The following ZNF678 variants were observed in gnomAD, a reference collection of about 807,000 sequenced individuals.
ZNF678 encodes the protein zinc finger protein 678.
A neutral mutation model predicts 3.0 loss-of-function variants in ZNF678; 5 were observed. The observed-to-expected ratio is 1.69, with a 90% CI of 0.88 to 3.56. The LOEUF is 3.56. ZNF678 is among the 30% of genes most tolerant of loss of function. The pLI is 0.00. For synonymous variants in ZNF678, 218 were observed against 199.6 expected (o/e 1.09, Z -0.78); for missense variants, 593 against 605.0 (o/e 0.98, Z 0.21).
rs1659347826 is a variant in ZNF678 at position 227,659,660 on chromosome 1, TC to T, written c.*3833del. On this transcript the variant is annotated 3_prime_UTR_variant, in exon 4 of 4. Transcript: ENST00000343776. Reference sequence around the variant, plus strand: ...ATAAAAACTGTATTTTCTATATAGTTCAGCTAAGTTTATGAAAAAGATGCAG... The same window carrying T: ...ATAAAAACTGTATTTTCTATATAGTTAGCTAAGTTTATGAAAAAGATGCAG... The T allele has an allele frequency of 6.6e-6, 1 of 152,124 alleles. No homozygotes were observed. Among genetic ancestry groups the T allele is most frequent in the Admixed American group, 6.6e-5 (1 of 15,264 alleles). The allele number at this position is 152,124 out of a possible 1,614,324, so 9.4% of individuals were successfully genotyped here. A position where few individuals can be genotyped will look rare whatever the true frequency, so the allele number is the denominator to read the frequency against.
intron 1 of ZNF678, among the ~76,000 whole-genome samples, chr1:227,624,898 G>A (rs138885558): frequency 0.023 from 3,549 of 152,262 alleles, 52 homozygotes; most frequent in Non-Finnish European, 0.035. Context: ...AGTGGTGGAC[G>A]GCAAGTGAAA....
intron 1 of ZNF678, among the ~76,000 whole-genome samples, chr1:227,578,370 C>T (rs940020306): frequency 3.9e-5 from 6 of 152,194 alleles, no homozygotes; most frequent in Non-Finnish European, 8.8e-5. Flanking sequence ...CCTTCAGGGA[C>T]ACCAGTGAGT....
chr1:227,672,343 T>C (rs1328470538), intron 5 of ZNF678, among the ~76,000 whole-genome samples: 1 of 151,858 alleles, frequency 6.6e-6, no homozygotes, highest in African/African-American at 2.4e-5. Flanking sequence ...AGAAAGGATA[T>C]GAGGTAGAAT....
chr1:227,605,717 T>G (rs189811686), intron 1 of ZNF678, among the ~76,000 whole-genome samples: 11 of 152,318 alleles, frequency 7.2e-5, no homozygotes, highest in African/African-American at 2.6e-4. Flanking sequence ...ATGGATATTA[T>G]TAACAGCTTT....
In ZNF678 at chr1:227,655,518, A is replaced by G. The variant is rs780345547; in HGVS notation, c.1268A>G (p.His423Arg). 13 of 1,612,698 alleles carry G rather than the reference A, an allele frequency of 8.1e-6. No individual in the cohort carries two copies. Among genetic ancestry groups the G allele is most frequent in the African/African-American group, 1.3e-5 (1 of 74,998 alleles). The change falls in exon 4 of 4, where the codon CAT becomes CGT. Residue 423 changes from histidine (H) to arginine (R), a missense_variant. His to Arg is a conservative substitution (Grantham distance 29, BLOSUM62 0). Coordinates refer to ENST00000343776, the MANE Select transcript of ZNF678 (RefSeq NM_001367909.1). ...VFKQCSHLTS[H>R]KRIHTGEKPY... ...AAACAGTGCTCTCACCTAACTAGCC[A>G]TAAGAGAATTCATACTGGAGAGAAA...
At chr1:227,584,144 TG>T (rs1421811284) in intron 1 of ZNF678, among the ~76,000 whole-genome samples, 1 of 152,230 alleles carries the variant, frequency 6.6e-6, no homozygotes, top group Non-Finnish European at 1.5e-5. Context: ...AACATTTTGT[TG>T]CAGAGCTTTA....
At chr1:227,565,066 T>TA (rs1461711976) in intron 1 of ZNF678, among the ~76,000 whole-genome samples, 2,391 of 134,962 alleles carry the variant, frequency 0.018, 112 homozygotes, top group South Asian at 0.068. Flanking sequence ...TTTTTTTTTT[T>TA]TTTTTTTTTT....
intron 5 of ZNF678, among the ~76,000 whole-genome samples, chr1:227,675,262 C>T (rs553120925): frequency 9.2e-5 from 14 of 152,246 alleles, no homozygotes; most frequent in African/African-American, 2.9e-4. Context: ...TGTGAGAACA[C>T]AGTGAGAAGG....
chr1:227,605,398 C>T (rs1346586806), intron 1 of ZNF678, among the ~76,000 whole-genome samples: 2 of 152,140 alleles, frequency 1.3e-5, no homozygotes, highest in African/African-American at 4.8e-5. Flanking sequence ...AAGAATTTTA[C>T]TCAGACAATG....
At chr1:227,591,089 G>A (rs1199502742) in intron 1 of ZNF678, among the ~76,000 whole-genome samples, 1 of 151,678 alleles carries the variant, frequency 6.6e-6, no homozygotes, top group Non-Finnish European at 1.5e-5. Context: ...TCGGCTAATT[G>A]CAAAAACAAA....
chr1:227,667,258 T>A (rs10799439), downstream of ZNF678, among the ~76,000 whole-genome samples: 104,188 of 151,830 alleles, frequency 0.69, 36,965 homozygotes, highest in African/African-American at 0.87. Flanking sequence ...CTGGTCTCAA[T>A]TTCCTGACCT....
At position 227,655,674 on chromosome 1, in the gene ZNF678, G is replaced by GC. The variant is rs1659226252; in HGVS notation, c.1426dup (p.Leu476ProfsTer5). ...GGCAAAGCCTTTAACCAGTTCTCAA[G>GC]CCTTACTCGTCATAAAAGAATTCAT... On this transcript the variant is annotated frameshift_variant, in exon 4 of 4. Transcript: ENST00000343776. LOFTEE classifies it low-confidence loss of function (END_TRUNC). 6.2e-7 allele frequency: 1 copy of GC among 1,612,236 alleles called. No homozygotes were observed. The highest frequency in any genetic ancestry group is 1.3e-5 in the African/African-American group (1 of 74,846).
chr1:227,611,396 T>C (rs1012139522), intron 1 of ZNF678, among the ~76,000 whole-genome samples: 2 of 152,228 alleles, frequency 1.3e-5, no homozygotes, highest in Admixed American at 6.5e-5. Flanking sequence ...GCAGGCAGAC[T>C]TCACAATCAG....
At chr1:227,678,981 G>A (rs1349996280), downstream of ZNF678, among the ~76,000 whole-genome samples, 1 of 152,090 alleles carries the variant, frequency 6.6e-6, no homozygotes, top group Non-Finnish European at 1.5e-5. Flanking sequence ...CCTTGTGTGA[G>A]GGGACTAGCA....
At position 227,646,659 on chromosome 1, in the gene ZNF678, T is replaced by G; in HGVS notation, c.-48T>G. 7.3e-7 allele frequency: 1 copy of G among 1,372,152 alleles called. No individual in the cohort carries two copies. 85.0% of individuals were successfully genotyped at this position (1,372,152 alleles called of 1,614,324 possible). On this transcript the variant is annotated 5_prime_UTR_variant, in exon 2 of 4. Coordinates refer to ENST00000343776, the MANE Select transcript of ZNF678 (RefSeq NM_001367909.1). ...GTGATGTTCGAGAACTACAGAAACC[T>G]GGTCTCCCTGGGTGAGGATAACTTC...
At chr1:227,599,229 A>T (rs894648771) in intron 1 of ZNF678, 7 of 757,858 alleles carry the variant, frequency 9.2e-6, no homozygotes, top group African/African-American at 7.0e-5. Context: ...TTTGTTTTTA[A>T]CAGTATTGAT....
At chr1:227,606,427 A>G (rs1370897264) in intron 1 of ZNF678, among the ~76,000 whole-genome samples, 4 of 152,216 alleles carry the variant, frequency 2.6e-5, no homozygotes, top group Non-Finnish European at 4.4e-5. Flanking sequence ...TATCACCACT[A>G]GCATATCTTG....
chr1:227,651,842 G>A (rs999240174), intron 3 of ZNF678, among the ~76,000 whole-genome samples: 13 of 152,074 alleles, frequency 8.5e-5, no homozygotes, highest in African/African-American at 2.9e-4. Flanking sequence ...TCAAATAGCT[G>A]GAATTACAAA....
chr1:227,666,641 G>A (rs1039742538), downstream of ZNF678, among the ~76,000 whole-genome samples: 3 of 152,036 alleles, frequency 2.0e-5, no homozygotes, highest in East Asian at 5.8e-4. Flanking sequence ...GCTGCAGTTC[G>A]ACAGGGGATA....
Sources: gnomAD v4.1 joint callset for allele counts (sites outside exome capture counted in the v4.1 genomes callset) on GRCh38, gnomAD v4.1.1 for gene constraint, MANE v1.5 for transcripts, NCBI Gene and HGNC (gene_info 2026-07-23, HGNC 2026-07-21) for gene names.